AGBL2: variants seen among roughly 807,000 people sequenced by gnomAD.
AGBL2 encodes cytosolic carboxypeptidase 2.
AGBL2 carries 87 observed loss-of-function variants against 103.0 expected under a neutral mutation model. The ratio of observed to expected loss-of-function variants is 0.84; its 90% CI spans 0.71 to 1.01. The LOEUF (loss-of-function observed/expected upper bound fraction) is 1.01, where lower values mean the gene tolerates loss of function less well. AGBL2 is among the 50% of genes least tolerant of loss of function. The pLI, the probability that AGBL2 is intolerant of heterozygous loss-of-function variation, is 0.00. For missense variants in AGBL2, 904 were observed against 1,023.5 expected (o/e 0.88, Z 1.59); for synonymous variants, 335 against 356.7 (o/e 0.94, Z 0.69).
chr11:47,669,571 C>CA (rs1320077269), intron 14 of AGBL2, among the ~76,000 whole-genome samples: 3 of 151,832 alleles, frequency 2.0e-5, no homozygotes, highest in African/African-American at 7.3e-5. Context: ...CCCAGCTACT[C>CA]AGGAGGCTAA....
At chr11:47,680,809 A>ACAAAC (rs1445301468) in intron 12 of AGBL2, among the ~76,000 whole-genome samples, 1 of 151,830 alleles carries the variant, frequency 6.6e-6, no homozygotes, top group Non-Finnish European at 1.5e-5. Context: ...ACAAAACAAA[A>ACAAAC]CAAAACAAAA....
Position 47,686,045 on chromosome 11 carries a change from GA to G in AGBL2, c.1635del (p.Glu547LysfsTer41). ...TACAACAGAACCTCTCTTTCTTCAA[GA>G]AGTCTATTGAGGGGGCAAACAAAGG... ...IWYTRNMIKR[L>X]LEEREVLLYC... On this transcript the variant is annotated frameshift_variant, in exon 11 of 19. Coordinates refer to ENST00000525123, the MANE Select transcript of AGBL2 (RefSeq NM_024783.4). LOFTEE classifies it high-confidence loss of function. 6.2e-7 allele frequency: 1 copy of G among 1,613,776 alleles called. No homozygotes were observed. Among genetic ancestry groups the G allele is most frequent in the South Asian group, 1.1e-5 (1 of 90,956 alleles).
Position 47,692,109 on chromosome 11 carries a change from A to G in AGBL2, c.842T>C (p.Val281Ala). 3 of 1,611,274 alleles carry G rather than the reference A, an allele frequency of 1.9e-6. No homozygotes were observed. The highest frequency in any genetic ancestry group is 2.7e-5 in the African/African-American group (2 of 74,930). ...RFESGNLQKAVRVDTYEYELT... is the reference protein window; with the variant it reads ...RFESGNLQKAARVDTYEYELT... Reference sequence around the variant, plus strand: ...TTGAGAAATTGTTACTCACACTCTGACAGCTTTTTGCAGATTCCCACTCTC... The same window carrying G: ...TTGAGAAATTGTTACTCACACTCTGGCAGCTTTTTGCAGATTCCCACTCTC... The change falls in exon 9 of 19, where the codon GTC becomes GCC. Residue 281 changes from valine (V) to alanine (A), a missense_variant. Transcript: ENST00000525123.
At chr11:47,692,288 C>T (rs750435218) in intron 8 of AGBL2, 32 bp from the exon 9 acceptor site, 2 of 1,598,000 alleles carry the variant, frequency 1.3e-6, no homozygotes, top group Non-Finnish European at 1.7e-6. Flanking sequence ...AGGCTAGGTT[C>T]TACTCAGAAT....
intron 12 of AGBL2, 140 bp downstream of exon 12, chr11:47,681,829 A>G (rs1172541988): frequency 9.9e-7 from 1 of 1,009,420 alleles, no homozygotes; most frequent in African/African-American, 1.6e-5. Context: ...TATGTTGGGC[A>G]CTCAAATTTA....
intron 8 of AGBL2, 61 bp from the exon 9 acceptor site, chr11:47,692,317 C>T (rs1038494996): frequency 1.4e-6 from 2 of 1,394,930 alleles, no homozygotes; most frequent in African/African-American, 1.4e-5. Context: ...TCAGCAAATA[C>T]TTAAGTGGCC....
At chr11:47,704,059 G>A (rs370800127) in intron 7 of AGBL2, among the ~76,000 whole-genome samples, 2 of 151,964 alleles carry the variant, frequency 1.3e-5, no homozygotes, top group Non-Finnish European at 2.9e-5. Flanking sequence ...TCGAGATTGC[G>A]CCACTGCACT....
In AGBL2 at chr11:47,667,075, T is replaced by A; in HGVS notation, c.2341-12A>T. 1 of 1,544,968 alleles carries A rather than the reference T, an allele frequency of 6.5e-7. No homozygotes were observed. Among genetic ancestry groups the A allele is most frequent in the Non-Finnish European group, 8.8e-7 (1 of 1,138,426 alleles). On this transcript the variant is annotated splice_polypyrimidine_tract_variant and intron_variant, in intron 16 of 18. Transcript: ENST00000525123. Reference sequence around the variant, plus strand: ...AATCCTGCCTTTTCCTAGGATTGAGTGAAAAGAGAATCTTTTTCAATTGAT... The same window carrying A: ...AATCCTGCCTTTTCCTAGGATTGAGAGAAAAGAGAATCTTTTTCAATTGAT...
chr11:47,694,820 G>T (rs1360338089), intron 8 of AGBL2, among the ~76,000 whole-genome samples: 1 of 152,134 alleles, frequency 6.6e-6, no homozygotes, highest in Admixed American at 6.6e-5. Context: ...CCTCTGCTAG[G>T]CAGGGGAATG....
At chr11:47,698,811 T>C (rs1244612548) in intron 8 of AGBL2, among the ~76,000 whole-genome samples, 1 of 152,134 alleles carries the variant, frequency 6.6e-6, no homozygotes, top group Non-Finnish European at 1.5e-5. Context: ...GTTGTTGATT[T>C]CTAACTTAAT....
At chr11:47,697,411 T>C (rs1300085131) in intron 8 of AGBL2, among the ~76,000 whole-genome samples, 1 of 151,920 alleles carries the variant, frequency 6.6e-6, no homozygotes, top group Non-Finnish European at 1.5e-5. Flanking sequence ...GCTAATTTTT[T>C]GTATTTTTAG....
At chr11:47,707,384 C>T (rs1159337140) in intron 4 of AGBL2, among the ~76,000 whole-genome samples, 1 of 152,190 alleles carries the variant, frequency 6.6e-6, no homozygotes, top group African/African-American at 2.4e-5. Flanking sequence ...TACACTTCCA[C>T]GTGGCTGGGG....
chr11:47,677,151 G>T, intron 14 of AGBL2, 120 bp downstream of exon 14: 1 of 821,832 alleles, frequency 1.2e-6, no homozygotes, highest in Non-Finnish European at 1.7e-6. Context: ...GGGACTACAG[G>T]CATAGATCAC....
intron 11 of AGBL2, among the ~76,000 whole-genome samples, chr11:47,684,202 G>A (rs2097414289): frequency 6.6e-6 from 1 of 152,034 alleles, no homozygotes; most frequent in Non-Finnish European, 1.5e-5. Context: ...GAACCCGGGA[G>A]GCGGAGGTTG....
At chr11:47,678,471 T>A (rs1314427819) in intron 13 of AGBL2, among the ~76,000 whole-genome samples, 2 of 150,388 alleles carry the variant, frequency 1.3e-5, no homozygotes, top group South Asian at 2.1e-4. Context: ...GCAGCTGGGA[T>A]TACAGGCGCT....
At chr11:47,673,794 A>G (rs1177368866) in intron 14 of AGBL2, among the ~76,000 whole-genome samples, 1 of 5,926 alleles carries the variant, frequency 1.7e-4, no homozygotes, top group African/African-American at 2.2e-4. Flanking sequence ...ACTCCATCTC[A>G]AAAAAAAAAA....
chr11:47,680,014 A>G lies in AGBL2; in HGVS notation c.1975T>C (p.Cys659Arg), dbSNP rs770649763. 6.2e-7 allele frequency: 1 copy of G among 1,613,198 alleles called. No homozygotes were observed. The highest frequency in any genetic ancestry group is 8.5e-7 in the Non-Finnish European group (1 of 1,179,438). The stretch of plus-strand genomic sequence containing the variant: ...TCACAAAAGTCCAGAAGGGTGTCAC[A>G]GACATGATAACCTAAGGACTTCAGA... ...EDLKSLGYHV[C>R]DTLLDFCDPD... The change falls in exon 13 of 19, where the codon TGT becomes CGT. Residue 659 changes from cysteine to arginine, a missense_variant. Transcript: ENST00000525123.
intron 8 of AGBL2, among the ~76,000 whole-genome samples, chr11:47,696,010 CA>C (rs1171058500): frequency 4.8e-3 from 82 of 17,222 alleles, no homozygotes; most frequent in African/African-American, 0.019. Context: ...ACTAAAAATA[CA>C]AAAAAAAAAA....
intron 3 of AGBL2, among the ~76,000 whole-genome samples, chr11:47,712,790 G>A (rs146274360): frequency 2.0e-5 from 3 of 151,674 alleles, no homozygotes; most frequent in Non-Finnish European, 4.4e-5. Context: ...CTGTAATCTT[G>A]GCATTTTGGG....
Sources: gnomAD v4.1 joint callset for allele counts (sites outside exome capture counted in the v4.1 genomes callset) on GRCh38, gnomAD v4.1.1 for gene constraint, MANE v1.5 for transcripts, NCBI Gene and HGNC (gene_info 2026-07-23, HGNC 2026-07-21) for gene names.